Variants in MYO7B observed in about 807,000 individuals in gnomAD.
MYO7B encodes the protein myosin VIIB.
A neutral mutation model predicts 259.7 loss-of-function variants in MYO7B; 212 were observed. The ratio of observed to expected loss-of-function variants is 0.82; its 90% CI spans 0.73 to 0.91. The LOEUF is 0.91. Ranked by LOEUF, MYO7B falls within the 40% of genes least tolerant of loss-of-function variation. The pLI, the probability that MYO7B is intolerant of heterozygous loss-of-function variation, is 0.00. For synonymous variants in MYO7B, 1,197 were observed against 1,166.4 expected, an observed-to-expected ratio of 1.03 and a Z score of -0.54; for missense variants, 2,732 against 2,813.5, an observed-to-expected ratio of 0.97 and a Z score of 0.66.
rs1256509365 is a variant in MYO7B at position 127,627,102 on chromosome 2, T to C, written c.4333+10T>C. ...GTCATCACACTCTCAGGTAATGGCATCTGACAGGGGGCAGGGAGCAGGTAT... is the reference window on the plus strand; with the variant it reads ...GTCATCACACTCTCAGGTAATGGCACCTGACAGGGGGCAGGGAGCAGGTAT... On this transcript the variant is annotated intron_variant, in intron 32 of 47. Coordinates refer to ENST00000409816, the MANE Select transcript of MYO7B (RefSeq NM_001393586.1). This position sits in a 1 kb window ranked among gnomAD's most constrained non-coding sequence, Gnocchi z 5.6. 2.5e-6 allele frequency: 4 copies of C among 1,608,912 alleles called. No homozygotes were observed. The South Asian group carries it at 3.3e-5, about 13-fold the overall frequency.
At chr2:127,569,423 C>A (rs1256625146) in intron 5 of MYO7B, among the ~76,000 whole-genome samples, 3 of 152,150 alleles carry the variant, frequency 2.0e-5, no homozygotes, top group African/African-American at 7.2e-5. Flanking sequence ...ACCTGGGCAT[C>A]TGCATTCCGA....
chr2:127,561,904 G>C (rs1678100654), intron 2 of MYO7B, among the ~76,000 whole-genome samples: 1 of 152,170 alleles, frequency 6.6e-6, no homozygotes, highest in Non-Finnish European at 1.5e-5. Flanking sequence ...TAGGGTTGGT[G>C]TCTGGTGAAG....
intron 26 of MYO7B, among the ~76,000 whole-genome samples, chr2:127,617,889 GCT>G (rs1680643655): frequency 7.1e-6 from 1 of 140,500 alleles, no homozygotes; most frequent in African/African-American, 2.8e-5. Context: ...GACCTTCCTC[GCT>G]CAAGTCCTTA....
chr2:127,633,843 G>T (rs1374635753), intron 40 of MYO7B, among the ~76,000 whole-genome samples: 1 of 151,706 alleles, frequency 6.6e-6, no homozygotes, highest in Non-Finnish European at 1.5e-5. Context: ...GGCCAAAGTG[G>T]GCAGTGTCGC....
At position 127,596,445 on chromosome 2, in the gene MYO7B, C is replaced by T. The variant is rs760670312; in HGVS notation, c.2245-17C>T. Reference sequence around the variant, plus strand: ...GTGAGGGTGAGCAGCCCAGTGACGGCGTCTCTCCTGTTCCAGGATCATCAG... The same window carrying T: ...GTGAGGGTGAGCAGCCCAGTGACGGTGTCTCTCCTGTTCCAGGATCATCAG... On this transcript the variant is annotated splice_polypyrimidine_tract_variant and intron_variant, in intron 18 of 47. Coordinates refer to ENST00000409816, the MANE Select transcript of MYO7B (RefSeq NM_001393586.1). The T allele has an allele frequency of 1.3e-5, 20 of 1,599,052 alleles. No homozygotes were observed. The highest frequency in any genetic ancestry group is 5.4e-5 in the African/African-American group (4 of 74,582).
At chr2:127,596,379 C>T in intron 18 of MYO7B, 83 bp from the exon 19 acceptor site, 1 of 1,145,664 alleles carries the variant, frequency 8.7e-7, no homozygotes, top group Non-Finnish European at 1.3e-6. Flanking sequence ...GAGATGCTAC[C>T]TTCGGGAGAC....
Position 127,636,285 on chromosome 2 carries a change from C to T in MYO7B, c.6084C>T (p.Cys2028=). ...EAKVAFLKWI[C]RWPTFGSAFF... ...AGGTGGCCTTCCTGAAGTGGATCTG[C>T]CGGTGGCCCACCTTCGGATCCGCCT... The change falls in exon 45 of 48, where the codon TGC becomes TGT. Residue 2028 remains cysteine (C), a synonymous_variant. Transcript: ENST00000409816. This position sits in a 1 kb window ranked among gnomAD's most constrained non-coding sequence, Gnocchi z 4.5. 5.0e-6 allele frequency: 8 copies of T among 1,613,592 alleles called. No individual in the cohort carries two copies. Among genetic ancestry groups the T allele is most frequent in the Non-Finnish European group, 5.9e-6 (7 of 1,179,826 alleles).
Position 127,585,692 on chromosome 2 carries a change from A to G in MYO7B, c.1690+779A>G, listed in dbSNP as rs944372396. On this transcript the variant is annotated intron_variant, in intron 14 of 47. Coordinates refer to ENST00000409816, the MANE Select transcript of MYO7B (RefSeq NM_001393586.1). The surrounding 1 kb of genome is among the most constrained non-coding windows in gnomAD (Gnocchi z 4.3). ...AGCGGCTGTATGATTTTACATTCCC[A>G]CTAGCAATGTATGAGGACTCCAGTT... 6.6e-6 allele frequency among the ~76,000 whole-genome samples: 1 copy of G among 152,180 alleles called. No individual in the cohort carries two copies. Among genetic ancestry groups the G allele is most frequent in the African/African-American group, 2.4e-5 (1 of 41,448 alleles).
Position 127,629,755 on chromosome 2 carries a change from A to C in MYO7B, c.4735A>C (p.Lys1579Gln). 1 of 1,611,430 alleles carries C rather than the reference A, an allele frequency of 6.2e-7. No homozygotes were observed. Among genetic ancestry groups the C allele is most frequent in the Non-Finnish European group, 8.5e-7 (1 of 1,178,980 alleles). Reference sequence around the variant, plus strand: ...CCTCGGCCAGAACGACAGGACAGGCAAGACGGGGCTGGTGCCCATGGCCTG... The same window carrying C: ...CCTCGGCCAGAACGACAGGACAGGCCAGACGGGGCTGGTGCCCATGGCCTG... Reference protein sequence around the residue: ...WTLGQNDRTGKTGLVPMACLY... With the variant: ...WTLGQNDRTGQTGLVPMACLY... Residue 1579 changes from lysine (K) to glutamine (Q), a missense_variant, in exon 35 of 48, where the codon AAG becomes CAG. By Grantham distance (53) the Lys-to-Gln change is moderately conservative. Coordinates refer to ENST00000409816, the MANE Select transcript of MYO7B (RefSeq NM_001393586.1).
intron 1 of MYO7B, among the ~76,000 whole-genome samples, chr2:127,548,582 C>CT (rs1381758529): frequency 6.6e-6 from 1 of 151,736 alleles, no homozygotes; most frequent in Non-Finnish European, 1.5e-5. Context: ...AGCCTAGCAG[C>CT]TTTTTCTATT....
intron 1 of MYO7B, among the ~76,000 whole-genome samples, chr2:127,554,605 T>TAGGG (rs1490557443): frequency 6.6e-6 from 1 of 152,242 alleles, no homozygotes; most frequent in Non-Finnish European, 1.5e-5. Context: ...TAGAATAAGT[T>TAGGG]AGGGAGGATT....
Position 127,629,084 on chromosome 2 carries a change from G to A in MYO7B, c.4624+549G>A, listed in dbSNP as rs368412435. Among the ~76,000 whole-genome samples the A allele has an allele frequency of 9.2e-5, 14 of 152,242 alleles. No homozygotes were observed. The South Asian group carries it at 2.3e-3, about 25-fold the overall frequency. ...CCCCCGCTGGGCCAGCCTGCTGGCC[G>A]GGTGGTCATGGGCGGTGGGTGGTGT... On this transcript the variant is annotated intron_variant, in intron 34 of 47. Coordinates refer to ENST00000409816, the MANE Select transcript of MYO7B (RefSeq NM_001393586.1).
rs1030510418 is a variant in MYO7B, at chr2:127,635,258, G to A, written c.5820+32G>A. ...GGCAGGCTGCCCTGGTGGGCACTGG[G>A]GCCACCCCCATCTTCCCACACCTGT... On this transcript the variant is annotated intron_variant, in intron 43 of 47. Transcript: ENST00000409816. The A allele has an allele frequency of 3.2e-6, 5 of 1,580,162 alleles. No individual in the cohort carries two copies. In the African/African-American group the frequency reaches 4.0e-5, roughly 13 times the overall value.
chr2:127,539,901 G>A lies in MYO7B; in HGVS notation c.-24+4070G>A, dbSNP rs1484779595. On this transcript the variant is annotated intron_variant, in intron 1 of 47. Transcript: ENST00000409816. This position sits in a 1 kb window ranked among gnomAD's most constrained non-coding sequence, Gnocchi z 4.0. The stretch of plus-strand genomic sequence containing the variant: ...TACGCCTTTGCAGCCTCATAGCTTA[G>A]CTCCCATTTATAAGTGAGAACATAC... Among the ~76,000 whole-genome samples the A allele has an allele frequency of 1.3e-5, 2 of 152,124 alleles. No homozygotes were observed. The highest frequency in any genetic ancestry group is 2.9e-5 in the Non-Finnish European group (2 of 68,014).
Position 127,627,314 on chromosome 2 carries a change from C to A in MYO7B, c.4460+4C>A. On this transcript the variant is annotated splice_donor_region_variant and intron_variant, in intron 33 of 47. Transcript: ENST00000409816. The surrounding 1 kb of genome is among the most constrained non-coding windows in gnomAD (Gnocchi z 5.6). ...TCATGGGTCTGGCCACCAACAGGTG[C>A]GGGCCCTGAGGGAAGATCTCTTCTT... is the stretch of plus-strand genomic sequence containing the variant. The A allele has an allele frequency of 6.3e-7, 1 of 1,592,964 alleles. No individual in the cohort carries two copies. Among genetic ancestry groups the A allele is most frequent in the Non-Finnish European group, 8.6e-7 (1 of 1,168,476 alleles).
chr2:127,590,544 G>A lies in MYO7B; in HGVS notation c.1992+315G>A, dbSNP rs1482125946. 6.6e-6 allele frequency among the ~76,000 whole-genome samples: 1 copy of A among 152,252 alleles called. No homozygotes were observed. The highest frequency in any genetic ancestry group is 2.4e-5 in the African/African-American group (1 of 41,452). On this transcript the variant is annotated intron_variant, in intron 16 of 47. Transcript: ENST00000409816. This position sits in a 1 kb window ranked among gnomAD's most constrained non-coding sequence, Gnocchi z 4.6. ...TAAGTCAGACTTGCTCCTGCCTGCA[G>A]GAATGCACTGAGGGTTGGACATGAG...
intron 40 of MYO7B, 109 bp from the exon 41 acceptor site, chr2:127,634,067 C>T (rs1282788488): frequency 3.5e-6 from 3 of 861,998 alleles, no homozygotes; most frequent in Non-Finnish European, 5.5e-6. Context: ...CAGACCACAT[C>T]CAACCCAAGT....
In MYO7B at chr2:127,564,202, C is replaced by T; in HGVS notation, c.68C>T (p.Ala23Val). The stretch of plus-strand genomic sequence containing the variant: ...CCCTCCACCCACAAGACCGGCGTGG[C>T]CATCGGGGGCATCATCAAAGAGGCA... ...EPPSTHKTGV[A>V]IGGIIKEAKP... The change falls in exon 3 of 48, where the codon GCC becomes GTC. Residue 23 changes from alanine (A) to valine (V), a missense_variant. Ala to Val is a moderately conservative substitution (Grantham distance 64, BLOSUM62 0). This residue lies in a region of MYO7B where 1,906 missense variants were observed against 2,026.4 expected (regional missense o/e 0.94). Coordinates refer to ENST00000409816, the MANE Select transcript of MYO7B (RefSeq NM_001393586.1). 6.3e-7 allele frequency: 1 copy of T among 1,578,576 alleles called. No homozygotes were observed.
At chr2:127,587,524 C>A (rs1679348538) in intron 14 of MYO7B, among the ~76,000 whole-genome samples, 1 of 151,672 alleles carries the variant, frequency 6.6e-6, no homozygotes, top group Non-Finnish European at 1.5e-5. Flanking sequence ...CCTTCCTTCT[C>A]TCTGTGTGTG....
Sources: gnomAD v4.1 joint callset for allele counts (sites outside exome capture counted in the v4.1 genomes callset) on GRCh38, gnomAD v4.1.1 for gene constraint, gnomAD v4.1.1 regional missense constraint, Gnocchi (gnomAD v3.1) non-coding constraint, MANE v1.5 for transcripts, NCBI Gene and HGNC (gene_info 2026-07-23, HGNC 2026-07-21) for gene names.